ZNF516: variants seen among roughly 807,000 people sequenced by gnomAD.
ZNF516 encodes the protein zinc finger protein 516.
A neutral mutation model predicts 79.7 loss-of-function variants in ZNF516; 19 were observed. The observed-to-expected ratio is 0.24, with a 90% CI of 0.17 to 0.35. The LOEUF (loss-of-function observed/expected upper bound fraction) is 0.35, where lower values mean the gene tolerates loss of function less well. Ranked by LOEUF, ZNF516 falls within the 10% of genes least tolerant of loss-of-function variation. The pLI, the probability that ZNF516 is intolerant of heterozygous loss-of-function variation, is 1.00. For missense variants in ZNF516, 1,678 were observed against 1,679.5 expected (o/e 1.00, Z 0.02); for synonymous variants, 877 against 739.5 (o/e 1.19, Z -3.02).
At chr18:76,475,116 C>T (rs190711065) in intron 1 of ZNF516, among the ~76,000 whole-genome samples, 1 of 152,276 alleles carries the variant, frequency 6.6e-6, no homozygotes, top group Non-Finnish European at 1.5e-5. Flanking sequence ...AGATACAAAA[C>T]AAGTTACCCA....
intron 2 of ZNF516, among the ~76,000 whole-genome samples, chr18:76,456,675 G>T (rs1289288266): frequency 7.8e-6 from 1 of 127,922 alleles, no homozygotes; most frequent in Non-Finnish European, 1.6e-5. Context: ...CGCAGGTCGA[G>T]ACTCTGCTGC....
chr18:76,388,146 G>C (rs1306717021), intron 3 of ZNF516: 1 of 152,164 alleles, frequency 6.6e-6, no homozygotes, highest in East Asian at 1.9e-4. Context: ...GCATCCCCCT[G>C]AGAACCACCT....
intron 4 of ZNF516, among the ~76,000 whole-genome samples, chr18:76,374,510 G>A (rs2074755834): frequency 1.3e-5 from 2 of 152,084 alleles, no homozygotes; most frequent in African/African-American, 2.4e-5. Flanking sequence ...AACATCACCC[G>A]AACACATGTG....
At position 76,378,909 on chromosome 18, in the gene ZNF516, A is replaced by G. The variant is rs140499406; in HGVS notation, c.3205T>C (p.Phe1069Leu). 8.0e-3 allele frequency: 12,918 copies of G among 1,613,808 alleles called. 62 individuals carry two copies. Among genetic ancestry groups the G allele is most frequent in the Middle Eastern group, 0.011 (67 of 6,060 alleles). ...NIFKTYIPKD[F>L]ATLYQGWGVS... ...CCCCATCCCTGGTAGAGGGTCGCAA[A>G]GTCCTTTGGAATGTACGTCTTAAAG... Residue 1069 changes from phenylalanine (F) to leucine (L), a missense_variant, in exon 4 of 7, where the codon TTT (phenylalanine) becomes CTT (leucine). Phe to Leu is a conservative substitution (Grantham distance 22). Transcript: ENST00000443185.
At chr18:76,371,051 T>C (rs1462827718) in intron 5 of ZNF516, among the ~76,000 whole-genome samples, 1 of 152,218 alleles carries the variant, frequency 6.6e-6, no homozygotes, top group African/African-American at 2.4e-5. Flanking sequence ...CAGTACATCC[T>C]GCATGGTCCA....
intron 3 of ZNF516, among the ~76,000 whole-genome samples, chr18:76,428,129 G>A (rs568987464): frequency 6.6e-6 from 1 of 152,256 alleles, no homozygotes; most frequent in Non-Finnish European, 1.5e-5. Context: ...GCTCAGGCCT[G>A]TAATCCCAGC....
At chr18:76,371,693 G>T in intron 4 of ZNF516, 122 bp from the exon 5 acceptor site, 1 of 750,844 alleles carries the variant, frequency 1.3e-6, no homozygotes, top group Non-Finnish European at 2.2e-6. Flanking sequence ...GTGTCATCAT[G>T]TGAGGCTCCC....
At chr18:76,468,405 C>T (rs1913622580) in intron 1 of ZNF516, among the ~76,000 whole-genome samples, 1 of 149,978 alleles carries the variant, frequency 6.7e-6, no homozygotes, top group Non-Finnish European at 1.5e-5. Context: ...GTTTTAGGCT[C>T]ATCATTAGTG....
rs1915333040 is a variant in ZNF516, at chr18:76,493,108, TCC to T, written c.-272+2034_-272+2035del. On this transcript the variant is annotated intron_variant, in intron 1 of 6. Coordinates refer to ENST00000443185, the MANE Select transcript of ZNF516 (RefSeq NM_014643.4). The surrounding 1 kb of genome is among the most constrained non-coding windows in gnomAD (Gnocchi z 5.2). ...GCAAAGCTGTTTCCTTTTTTTTTTTTCCTCCTCTCCTCCCTACCGTTTCATTT... is the reference window on the plus strand; with the variant it reads ...GCAAAGCTGTTTCCTTTTTTTTTTTTTCCTCTCCTCCCTACCGTTTCATTT... The T allele has an allele frequency of 2.0e-6, 2 of 983,394 alleles. No individual in the cohort carries two copies. The highest frequency in any genetic ancestry group is 6.2e-5 in the Admixed American group (1 of 16,190). The allele number at this position is 983,394 out of a possible 1,614,324, so 60.9% of individuals were successfully genotyped here. A position where few individuals can be genotyped will look rare whatever the true frequency, so the allele number is the denominator to read the frequency against.
chr18:76,376,517 T>C (rs1460352223), intron 4 of ZNF516, among the ~76,000 whole-genome samples: 3 of 137,480 alleles, frequency 2.2e-5, no homozygotes, highest in African/African-American at 5.2e-5. Flanking sequence ...AAGATAAATA[T>C]TTAACCTCTC....
intron 3 of ZNF516, among the ~76,000 whole-genome samples, chr18:76,396,381 T>C (rs2075147117): frequency 6.6e-6 from 1 of 152,198 alleles, no homozygotes; most frequent in Non-Finnish European, 1.5e-5. Context: ...AAATGCCCAG[T>C]GCCAGGAGCC....
Position 76,379,349 on chromosome 18 carries a change from C to G in ZNF516, c.2765G>C (p.Gly922Ala). ...GGTGGCGCTCCTGCTGAAGCCCCCG[C>G]CACCCGGGGCAGGCACCGGTTTGGA... ...ASSKPVPAPG[G>A]GGFSRSATPT... Residue 922 changes from glycine to alanine, a missense_variant, in exon 4 of 7, where the codon GGC (glycine) becomes GCC (alanine). Transcript: ENST00000443185. The G allele has an allele frequency of 6.3e-7, 1 of 1,592,796 alleles. No homozygotes were observed. Among genetic ancestry groups the G allele is most frequent in the Non-Finnish European group, 8.6e-7 (1 of 1,169,120 alleles).
intron 3 of ZNF516, among the ~76,000 whole-genome samples, chr18:76,413,307 A>C (rs2075393708): frequency 6.6e-6 from 1 of 152,218 alleles, no homozygotes; most frequent in African/African-American, 2.4e-5. Context: ...TGACTTTAAA[A>C]TTATATATAA....
At chr18:76,482,105 A>C (rs935654566) in intron 1 of ZNF516, among the ~76,000 whole-genome samples, 1 of 152,130 alleles carries the variant, frequency 6.6e-6, no homozygotes, top group Non-Finnish European at 1.5e-5. Flanking sequence ...GCTAATGCTA[A>C]AAGAAGCTTT....
chr18:76,449,054 T>C (rs1010757841), intron 2 of ZNF516, among the ~76,000 whole-genome samples: 1 of 151,990 alleles, frequency 6.6e-6, no homozygotes, highest in African/African-American at 2.4e-5. Flanking sequence ...GGCTCCTCCC[T>C]CCCCATCTCA....
chr18:76,441,346 C>T lies in ZNF516; in HGVS notation c.1709G>A (p.Ser570Asn). Residue 570 changes from serine (S) to asparagine (N), a missense_variant, in exon 3 of 7, where the codon AGC becomes AAC. Ser to Asn is a conservative substitution (Grantham distance 46, BLOSUM62 1). Transcript: ENST00000443185. ...AGCAGCGGCACAGGCGGAGCCAGGG[C>T]TGCTGGGCTGGGAGGCCGAGTCACC... is the stretch of plus-strand genomic sequence containing the variant. ...SEGDSASQPS[S>N]PGSACAAADS... 1 of 1,611,664 alleles carries T rather than the reference C, an allele frequency of 6.2e-7. No individual in the cohort carries two copies. Among genetic ancestry groups the T allele is most frequent in the Non-Finnish European group, 8.5e-7 (1 of 1,179,466 alleles).
In ZNF516 at chr18:76,360,646, A is replaced by AAATATATATATAT. The variant is rs373540251; in HGVS notation, c.*1851_*1852insATATATATATATT. 5 of 72,464 alleles carry AAATATATATATAT rather than the reference A, an allele frequency of 6.9e-5. No individual in the cohort carries two copies. The highest frequency in any genetic ancestry group is 2.7e-4 in the Admixed American group (2 of 7,374). 4.5% of individuals were successfully genotyped at this position (72,464 alleles called of 1,614,324 possible). The stretch of plus-strand genomic sequence containing the variant: ...AAAAAAATAAGTAAAAAAAAAAAAA[A>AAATATATATATAT]ATATATATATATATATATATATATA... On this transcript the variant is annotated 3_prime_UTR_variant, in exon 7 of 7. Transcript: ENST00000443185.
At chr18:76,426,067 T>G (rs1325682916) in intron 3 of ZNF516, among the ~76,000 whole-genome samples, 1 of 152,250 alleles carries the variant, frequency 6.6e-6, no homozygotes, top group African/African-American at 2.4e-5. Flanking sequence ...TGTTAGAAAA[T>G]GCCAGCAGTC....
At chr18:76,408,757 C>T (rs2848963) in intron 3 of ZNF516, among the ~76,000 whole-genome samples, 151,733 of 152,384 alleles carry the variant, frequency 1, 75,547 homozygotes, top group Middle Eastern at 1. Flanking sequence ...AAACAACTTC[C>T]ACAAAGCTGT....
Sources: allele counts gnomAD v4.1 joint callset (sites outside exome capture counted in the v4.1 genomes callset), GRCh38; gene constraint gnomAD v4.1.1; non-coding constraint Gnocchi (gnomAD v3.1); transcripts MANE v1.5; gene names NCBI Gene and HGNC (gene_info 2026-07-23, HGNC 2026-07-21).